The following MON2 variants were observed in gnomAD, a reference collection of about 807,000 sequenced individuals.
The protein encoded by MON2 is protein MON2 homolog.
MON2 carries 84 observed loss-of-function variants against 208.6 expected under a neutral mutation model. The observed-to-expected ratio is 0.40, with a 90% CI of 0.34 to 0.48. The LOEUF (loss-of-function observed/expected upper bound fraction) is 0.48, where lower values mean the gene tolerates loss of function less well. Ranked by LOEUF, MON2 falls within the 20% of genes least tolerant of loss-of-function variation. MON2 has a pLI of 0.59. For synonymous variants in MON2, 660 were observed against 694.0 expected (o/e 0.95, Z 0.77); for missense variants, 1,611 against 2,015.4 (o/e 0.80, Z 3.84).
chr12:62,586,053 C>T (rs1413479408), intron 33 of MON2, among the ~76,000 whole-genome samples: 1 of 152,164 alleles, frequency 6.6e-6, no homozygotes, highest in African/African-American at 2.4e-5. Context: ...CTAGGCTTTT[C>T]TGATCAGCCA....
At chr12:62,470,718 C>A in intron 1 of MON2, 1 of 1,171,324 alleles carries the variant, frequency 8.5e-7, no homozygotes. Context: ...TGAGGGGTAT[C>A]TAACTGAGCC....
intron 11 of MON2, among the ~76,000 whole-genome samples, chr12:62,530,355 C>T (rs1257234145): frequency 1.3e-5 from 2 of 151,932 alleles, no homozygotes; most frequent in East Asian, 1.9e-4. Context: ...CTCAGCCTCC[C>T]GAGTAGCTGT....
rs138059585 is a variant in MON2 at position 62,543,552 on chromosome 12, T to C, written c.2466+354T>C. Among the ~76,000 whole-genome samples, 206 of 152,296 alleles carry C rather than the reference T, an allele frequency of 1.4e-3. 2 individuals carry two copies. The highest frequency in any genetic ancestry group is 4.6e-3 in the African/African-American group (191 of 41,570). Reference sequence around the variant, plus strand: ...CAAGGCAGTTGGGGCATAGAGTTAATAGTAAACACTGCTCATTTATAGCCT... The same window carrying C: ...CAAGGCAGTTGGGGCATAGAGTTAACAGTAAACACTGCTCATTTATAGCCT... On this transcript the variant is annotated intron_variant, in intron 20 of 34. Coordinates refer to ENST00000393630, the MANE Select transcript of MON2 (RefSeq NM_015026.3).
chr12:62,544,222 A>G (rs1219369496), intron 20 of MON2, among the ~76,000 whole-genome samples: 1 of 152,060 alleles, frequency 6.6e-6, no homozygotes, highest in Non-Finnish European at 1.5e-5. Context: ...AGGTGGGAGG[A>G]TTACTTAAGC....
In MON2 at chr12:62,560,826, A is replaced by C. The variant is rs759415676; in HGVS notation, c.3745A>C (p.Arg1249=). 7 of 1,614,042 alleles carry C rather than the reference A, an allele frequency of 4.3e-6. No individual in the cohort carries two copies. The highest frequency in any genetic ancestry group is 5.1e-6 in the Non-Finnish European group (6 of 1,180,012). ...LWWAAWNTWY[R]IGSESTKPPI... is the part of the protein sequence containing the mutation. ...GTGGGCTGCGTGGAATACCTGGTAT[A>C]GAATTGGATCTGAAAGTACTAAGCC... Residue 1249 remains arginine (R), a synonymous_variant, in exon 26 of 35, where the codon AGA becomes CGA. Transcript: ENST00000393630.
chr12:62,570,179 AAAAGTTG>A (rs1019079717), intron 29 of MON2, among the ~76,000 whole-genome samples: 1 of 152,192 alleles, frequency 6.6e-6, no homozygotes, highest in African/African-American at 2.4e-5. Context: ...CACCTGTCTC[AAAAGTTG>A]ATCAGTTGAA....
chr12:62,536,422 A>T (rs1361894918), intron 14 of MON2, among the ~76,000 whole-genome samples: 1 of 152,130 alleles, frequency 6.6e-6, no homozygotes, highest in Non-Finnish European at 1.5e-5. Flanking sequence ...GCCCAGGCTG[A>T]TCTTGAACTG....
chr12:62,491,000 G>A (rs2070098857), intron 2 of MON2, among the ~76,000 whole-genome samples: 1 of 151,998 alleles, frequency 6.6e-6, no homozygotes, highest in Non-Finnish European at 1.5e-5. Flanking sequence ...GCAGTTGATG[G>A]CATCTTAGAA....
intron 16 of MON2, 132 bp downstream of exon 16, chr12:62,537,838 TAGAA>T (rs2136239653): frequency 1.3e-6 from 1 of 755,548 alleles, no homozygotes; most frequent in Non-Finnish European, 2.1e-6. Flanking sequence ...AAAGAGAAGT[TAGAA>T]AGGGAAAAAG....
intron 8 of MON2, among the ~76,000 whole-genome samples, chr12:62,517,681 T>C (rs2071776442): frequency 6.6e-6 from 1 of 152,162 alleles, no homozygotes; most frequent in South Asian, 2.1e-4. Context: ...CTGAACACGC[T>C]AACATCTCTA....
intron 1 of MON2, chr12:62,482,542 C>A (rs1479392473): frequency 3.9e-5 from 6 of 152,116 alleles, no homozygotes; most frequent in African/African-American, 1.4e-4. Flanking sequence ...CATATAGCTT[C>A]TTATGAGTAC....
Position 62,597,594 on chromosome 12 carries a change from T to G in MON2, c.*4845T>G, listed in dbSNP as rs1305900776. 1 of 152,210 alleles carries G rather than the reference T, an allele frequency of 6.6e-6. No individual in the cohort carries two copies. The highest frequency in any genetic ancestry group is 1.5e-5 in the Non-Finnish European group (1 of 68,028). The allele number at this position is 152,210 out of a possible 1,614,324, so 9.4% of individuals were successfully genotyped here. The stretch of plus-strand genomic sequence containing the variant: ...AAAAAATTGTGACTATAACTCCTAC[T>G]GTCTTTATGAATACACGGGATTCAG... On this transcript the variant is annotated 3_prime_UTR_variant, in exon 35 of 35. Transcript: ENST00000393630.
At chr12:62,470,787 T>C in intron 1 of MON2, 1 of 1,040,792 alleles carries the variant, frequency 9.6e-7, no homozygotes, top group South Asian at 2.9e-5. Flanking sequence ...TTGTTAGTAT[T>C]CCATGTAAAA....
intron 11 of MON2, among the ~76,000 whole-genome samples, chr12:62,529,138 A>G (rs1376279074): frequency 1.3e-5 from 2 of 152,316 alleles, no homozygotes; most frequent in African/African-American, 4.8e-5. Context: ...TAGTTTGCTA[A>G]TAGCCTCCAG....
chr12:62,516,912 T>C (rs2071728936), intron 8 of MON2, among the ~76,000 whole-genome samples: 1 of 151,964 alleles, frequency 6.6e-6, no homozygotes, highest in Admixed American at 6.6e-5. Flanking sequence ...GTAAACAAAA[T>C]AGTGGAAATG....
At chr12:62,592,555 C>T in intron 34 of MON2, 31 bp from the exon 35 acceptor site, 2 of 1,527,220 alleles carry the variant, frequency 1.3e-6, no homozygotes, top group South Asian at 1.3e-5. Context: ...TTAATTCCAC[C>T]CTTTTGAGGT....
chr12:62,574,779 C>T (rs2074716396), intron 30 of MON2, among the ~76,000 whole-genome samples: 1 of 152,084 alleles, frequency 6.6e-6, no homozygotes, highest in Non-Finnish European at 1.5e-5. Flanking sequence ...TTGCTGTCTA[C>T]TTTCTGTTGA....
intron 1 of MON2, 49 bp downstream of exon 1, chr12:62,467,367 C>G (rs1171498028): frequency 2.1e-6 from 3 of 1,456,816 alleles, no homozygotes; most frequent in Non-Finnish European, 2.9e-6. Context: ...ATGCCTGGTC[C>G]TGTTAGACTC....
rs180879101 is a variant in MON2 at position 62,558,106 on chromosome 12, C to T, written c.3409+1914C>T. Among the ~76,000 whole-genome samples the T allele has an allele frequency of 1.7e-4, 25 of 148,974 alleles. 1 individual carries two copies. In the East Asian group the frequency reaches 4.7e-3, roughly 28 times the overall value. Reference sequence around the variant, plus strand: ...TCTCCTGCCTCAGCCTCCTGAGTAGCAGGGATTACAGACAGGCATGCGCCA... The same window carrying T: ...TCTCCTGCCTCAGCCTCCTGAGTAGTAGGGATTACAGACAGGCATGCGCCA... On this transcript the variant is annotated intron_variant, in intron 25 of 34. Coordinates refer to ENST00000393630, the MANE Select transcript of MON2 (RefSeq NM_015026.3).
Sources: allele counts gnomAD v4.1 joint callset (sites outside exome capture counted in the v4.1 genomes callset), GRCh38; gene constraint gnomAD v4.1.1; transcripts MANE v1.5; gene names NCBI Gene and HGNC (gene_info 2026-07-23, HGNC 2026-07-21).